The following TSNARE1 variants were observed in gnomAD, a reference collection of about 807,000 sequenced individuals.
The protein encoded by TSNARE1 is t-SNARE domain-containing protein 1.
Under a neutral mutation model 62.0 loss-of-function variants are expected in TSNARE1, and 49 were observed. That is an observed-to-expected ratio of 0.79 (90% CI 0.63 to 1.00). TSNARE1 has a LOEUF of 1.00. Ranked by LOEUF, TSNARE1 falls within the 50% of genes least tolerant of loss-of-function variation. The probability of loss-of-function intolerance (pLI) is 0.00; values close to 1 mark genes in which losing one functional copy is unlikely to be tolerated. For missense variants in TSNARE1, 755 were observed against 700.1 expected (o/e 1.08, Z -0.88); for synonymous variants, 328 against 294.4 (o/e 1.11, Z -1.17).
chr8:142,270,053 C>T (rs1819382572), intron 12 of TSNARE1: 1 of 985,348 alleles, frequency 1.0e-6, no homozygotes, highest in African/African-American at 1.7e-5. Flanking sequence ...CAGCATCTTG[C>T]TCCTGGGACA....
chr8:142,372,995 T>C (rs2131064456), intron 1 of TSNARE1, among the ~76,000 whole-genome samples: 1 of 152,322 alleles, frequency 6.6e-6, no homozygotes, highest in East Asian at 1.9e-4. Context: ...CGCTTTTTCT[T>C]GCTCCACTCC....
intron 1 of TSNARE1, among the ~76,000 whole-genome samples, chr8:142,384,543 G>A (rs1282751304): frequency 6.6e-6 from 1 of 152,148 alleles, no homozygotes; most frequent in African/African-American, 2.4e-5. Flanking sequence ...ATGGTGATAT[G>A]ATCATCAACA....
Position 142,259,375 on chromosome 8 carries a change from G to A in TSNARE1, c.1446+15406C>T, listed in dbSNP as rs142084807. ...AGCTTCTGTAGACAGGAAAGGGCAC[G>A]GTTTCTGGGGTCCCAGGCCTGAGAG... On this transcript the variant is annotated intron_variant, in intron 12 of 13. Coordinates refer to ENST00000524325, the MANE Select transcript of TSNARE1 (RefSeq NM_145003.5). Among the ~76,000 whole-genome samples, 464 of 152,304 alleles carry A rather than the reference G, an allele frequency of 3.0e-3. 1 individual carries two copies. Among genetic ancestry groups the A allele is most frequent in the South Asian group, 0.013 (61 of 4,824 alleles).
chr8:142,365,583 T>A (rs1433934558), intron 1 of TSNARE1, among the ~76,000 whole-genome samples: 4 of 142,262 alleles, frequency 2.8e-5, no homozygotes, highest in Non-Finnish European at 4.6e-5. Flanking sequence ...AGAAAAACCA[T>A]CCATAAACAC....
At chr8:142,381,517 G>C (rs1836747340) in intron 1 of TSNARE1, among the ~76,000 whole-genome samples, 1 of 152,090 alleles carries the variant, frequency 6.6e-6, no homozygotes, top group Admixed American at 6.5e-5. Flanking sequence ...GGTGGGCTCA[G>C]GGACGGTGGC....
intron 1 of TSNARE1, among the ~76,000 whole-genome samples, chr8:142,358,173 G>A (rs1343958442): frequency 1.2e-5 from 1 of 80,108 alleles, no homozygotes; most frequent in South Asian, 4.6e-4. Flanking sequence ...AACAGCCAGC[G>A]GCCATCACTG....
At chr8:142,394,367 G>T (rs1837752273) in intron 1 of TSNARE1, among the ~76,000 whole-genome samples, 1 of 152,202 alleles carries the variant, frequency 6.6e-6, no homozygotes, top group Non-Finnish European at 1.5e-5. Context: ...GTAAACTGGG[G>T]AGTGAAAGCA....
At chr8:142,382,494 C>T (rs557952506) in intron 1 of TSNARE1, among the ~76,000 whole-genome samples, 1 of 152,286 alleles carries the variant, frequency 6.6e-6, no homozygotes, top group African/African-American at 2.4e-5. Context: ...GATGCCAGCG[C>T]CTGAGTCATG....
At chr8:142,250,395 C>G (rs548177458) in intron 12 of TSNARE1, among the ~76,000 whole-genome samples, 3 of 152,080 alleles carry the variant, frequency 2.0e-5, no homozygotes, top group Non-Finnish European at 4.4e-5. Flanking sequence ...AAGGCATAAT[C>G]CCTGCTTCTG....
intron 12 of TSNARE1, among the ~76,000 whole-genome samples, chr8:142,260,990 AGGGAGGGGGGTG>A (rs1818841470): frequency 7.4e-4 from 1 of 1,360 alleles, no homozygotes; most frequent in Non-Finnish European, 1.7e-3. Flanking sequence ...GGGAGGAGAG[AGGGAGGGGGGTG>A]GGGAGGGAGG....
In TSNARE1 at chr8:142,315,059, C is replaced by G. The variant is rs761506216; in HGVS notation, c.1018G>C (p.Asp340His). Residue 340 changes from aspartate to histidine, a missense_variant, in exon 8 of 14, where the codon GAC becomes CAC. Asp to His is a moderately conservative substitution (Grantham distance 81). Coordinates refer to ENST00000524325, the MANE Select transcript of TSNARE1 (RefSeq NM_145003.5). ...TCTGAGAGCTGGGTTTTCAGCCGGT[C>G]CAGCTGAGGACGCTCCTGCTGCAGA... ...ERLQQERPQL[D>H]RLKTQLSDAI... 17 of 1,614,144 alleles carry G rather than the reference C, an allele frequency of 1.1e-5. No individual in the cohort carries two copies. The Admixed American group carries it at 2.2e-4, about 21-fold the overall frequency.
rs1833279813 is a variant in TSNARE1 at position 142,345,813 on chromosome 8, ACAG to A, written c.165_167del (p.Cys56del). On this transcript the variant is annotated inframe_deletion, in exon 3 of 14. Coordinates refer to ENST00000524325, the MANE Select transcript of TSNARE1 (RefSeq NM_145003.5). ...GATCACCTTCCCCGTCCTTCCCCAC[ACAG>A]CGGTTCTGCAGCTTGCTCTCTGGCG... is the stretch of plus-strand genomic sequence containing the variant. 9 of 1,613,808 alleles carry A rather than the reference ACAG, an allele frequency of 5.6e-6. No individual in the cohort carries two copies. Among genetic ancestry groups the A allele is most frequent in the African/African-American group, 2.7e-5 (2 of 74,974 alleles).
upstream of TSNARE1, chr8:142,404,422 A>G (rs9801789): frequency 0.86 from 130,357 of 152,290 alleles, 55,881 homozygotes; most frequent in African/African-American, 0.86. Flanking sequence ...GCCCAGGCGC[A>G]AACATGGGAA....
intron 1 of TSNARE1, among the ~76,000 whole-genome samples, chr8:142,366,448 C>G (rs1440622962): frequency 6.6e-6 from 1 of 152,114 alleles, no homozygotes; most frequent in Non-Finnish European, 1.5e-5. Context: ...ATCCAAAACC[C>G]CCTCTGCTTG....
chr8:142,331,967 C>T, intron 4 of TSNARE1, 136 bp from the exon 5 acceptor site: 1 of 817,652 alleles, frequency 1.2e-6, no homozygotes, highest in Non-Finnish European at 2.0e-6. Flanking sequence ...CCCCTCACTG[C>T]CTTTGCGGCT....
intron 9 of TSNARE1, 41 bp from the exon 10 acceptor site, chr8:142,300,685 C>T (rs759752374): frequency 2.5e-6 from 4 of 1,580,750 alleles, no homozygotes; most frequent in South Asian, 1.1e-5. Flanking sequence ...TGACCCCTCC[C>T]ATTACCACCA....
intron 12 of TSNARE1, among the ~76,000 whole-genome samples, chr8:142,241,750 G>A (rs1352821535): frequency 6.6e-6 from 1 of 152,202 alleles, no homozygotes; most frequent in African/African-American, 2.4e-5. Context: ...ATACGTCATG[G>A]GGATATGACA....
In TSNARE1 at chr8:142,258,039, G is replaced by A. The variant is rs894088458; in HGVS notation, c.1446+16742C>T. 4.6e-5 allele frequency among the ~76,000 whole-genome samples: 7 copies of A among 152,072 alleles called. No individual in the cohort carries two copies. In the South Asian group the frequency reaches 1.3e-3, roughly 27 times the overall value. ...TGTGCTTATACACACATGCACACAT[G>A]CACTTGTGCTCACACATGCACACAC... On this transcript the variant is annotated intron_variant, in intron 12 of 13. Coordinates refer to ENST00000524325, the MANE Select transcript of TSNARE1 (RefSeq NM_145003.5).
At chr8:142,387,517 A>G (rs1482500579) in intron 1 of TSNARE1, among the ~76,000 whole-genome samples, 2 of 152,168 alleles carry the variant, frequency 1.3e-5, no homozygotes, top group African/African-American at 2.4e-5. Flanking sequence ...TAAAATGGAA[A>G]CTATTCACTA....
Sources: allele counts gnomAD v4.1 joint callset (sites outside exome capture counted in the v4.1 genomes callset), GRCh38; gene constraint gnomAD v4.1.1; transcripts MANE v1.5; gene names NCBI Gene and HGNC (gene_info 2026-07-23, HGNC 2026-07-21).